The following NOL4 variants were observed in gnomAD, a reference collection of about 807,000 sequenced individuals.
The protein encoded by NOL4 is cancer/testis antigen 125.
NOL4 carries 17 observed loss-of-function variants against 75.9 expected under a neutral mutation model. The ratio of observed to expected loss-of-function variants is 0.22; its 90% CI spans 0.15 to 0.34. The LOEUF (loss-of-function observed/expected upper bound fraction) is 0.34, where lower values mean the gene tolerates loss of function less well. Ranked by LOEUF, NOL4 falls within the 10% of genes least tolerant of loss-of-function variation. The pLI is 1.00. For missense variants in NOL4, 614 were observed against 793.5 expected (o/e 0.77, Z 2.72); for synonymous variants, 292 against 289.9 (o/e 1.01, Z -0.07).
At chr18:34,092,851 C>G (rs1285122604) in intron 5 of NOL4, among the ~76,000 whole-genome samples, 2 of 152,168 alleles carry the variant, frequency 1.3e-5, no homozygotes, top group Non-Finnish European at 1.5e-5. Flanking sequence ...AGTATGACAT[C>G]TACTTTCTCT....
intron 5 of NOL4, among the ~76,000 whole-genome samples, chr18:34,030,119 A>G (rs892388341): frequency 6.6e-6 from 1 of 152,214 alleles, no homozygotes. Context: ...GTAATGATCT[A>G]AATAAAATTC....
At position 33,969,962 on chromosome 18, in the gene NOL4, A is replaced by G. The variant is rs117947775; in HGVS notation, c.1057-11544T>C. 1.5e-3 allele frequency among the ~76,000 whole-genome samples: 228 copies of G among 152,280 alleles called. 5 individuals carry two copies. In the East Asian group the frequency reaches 0.035, roughly 23 times the overall value. On this transcript the variant is annotated intron_variant, in intron 6 of 10. Transcript: ENST00000261592. The stretch of plus-strand genomic sequence containing the variant: ...TTGTTTTTCAAGATATTGTCTGGCT[A>G]GAGCAGTGTTATTTTCATTTTGTCA...
At chr18:33,902,332 C>T (rs182069936) in intron 9 of NOL4, among the ~76,000 whole-genome samples, 1 of 152,120 alleles carries the variant, frequency 6.6e-6, no homozygotes, top group Non-Finnish European at 1.5e-5. Flanking sequence ...AGAAGTTCAA[C>T]TTTTGTTGTA....
At chr18:34,146,569 T>C (rs946369790) in intron 1 of NOL4, among the ~76,000 whole-genome samples, 2 of 152,184 alleles carry the variant, frequency 1.3e-5, no homozygotes, top group African/African-American at 4.8e-5. Flanking sequence ...GCCTCTGTTC[T>C]GTTCCAGTGG....
At chr18:34,070,054 C>T (rs2077444195) in intron 5 of NOL4, among the ~76,000 whole-genome samples, 2 of 152,278 alleles carry the variant, frequency 1.3e-5, no homozygotes, top group Admixed American at 6.5e-5. Flanking sequence ...GTTTTTGAGA[C>T]GGAGTCTCGC....
At chr18:33,900,591 T>C (rs955673963) in intron 9 of NOL4, among the ~76,000 whole-genome samples, 2 of 152,238 alleles carry the variant, frequency 1.3e-5, no homozygotes, top group African/African-American at 2.4e-5. Flanking sequence ...AATGTAAACA[T>C]TGAAAATTCA....
chr18:33,923,434 ATAT>A (rs2067153452), intron 9 of NOL4, among the ~76,000 whole-genome samples: 2 of 152,078 alleles, frequency 1.3e-5, no homozygotes, highest in East Asian at 1.9e-4. Context: ...GAGTGTTTAG[ATAT>A]TATGTATTAT....
rs375618791 is a variant in NOL4 at position 33,977,443 on chromosome 18, A to G, written c.1057-19025T>C. 4.5e-4 allele frequency among the ~76,000 whole-genome samples: 69 copies of G among 152,254 alleles called. 1 individual carries two copies. The highest frequency in any genetic ancestry group is 1.6e-3 in the African/African-American group (66 of 41,560). On this transcript the variant is annotated intron_variant, in intron 6 of 10. Coordinates refer to ENST00000261592, the MANE Select transcript of NOL4 (RefSeq NM_003787.5). ...GTTTTATACAGGACAGTTCCCCTGC[A>G]TATGTTCTCTTGACTATGCCATGTA... is the stretch of plus-strand genomic sequence containing the variant.
intron 9 of NOL4, among the ~76,000 whole-genome samples, chr18:33,922,768 A>C (rs1197199934): frequency 6.6e-6 from 1 of 152,176 alleles, no homozygotes; most frequent in African/African-American, 2.4e-5. Flanking sequence ...TTAACAAGCT[A>C]ATTTTTTAAT....
At chr18:34,086,083 A>G (rs958438440) in intron 5 of NOL4, among the ~76,000 whole-genome samples, 38 of 152,278 alleles carry the variant, frequency 2.5e-4, no homozygotes, top group Non-Finnish European at 4.7e-4. Context: ...CGAATTAACT[A>G]ACTCAATTCA....
intron 1 of NOL4, among the ~76,000 whole-genome samples, chr18:34,180,064 G>T (rs934924219): frequency 2.0e-5 from 3 of 151,314 alleles, no homozygotes; most frequent in Admixed American, 1.3e-4. Context: ...ATTTTAAAAA[G>T]AATTAACATC....
At chr18:34,080,889 A>G (rs2077980112) in intron 5 of NOL4, among the ~76,000 whole-genome samples, 1 of 152,230 alleles carries the variant, frequency 6.6e-6, no homozygotes, top group South Asian at 2.1e-4. Context: ...AAACTACATG[A>G]TAGTCATTAT....
intron 5 of NOL4, among the ~76,000 whole-genome samples, chr18:34,059,983 G>A (rs1366052655): frequency 6.6e-6 from 1 of 152,064 alleles, no homozygotes; most frequent in African/African-American, 2.4e-5. Context: ...TGACAGTCCG[G>A]GCAAGTCAAG....
intron 9 of NOL4, among the ~76,000 whole-genome samples, chr18:33,901,155 G>T (rs891565905): frequency 6.6e-6 from 1 of 152,060 alleles, no homozygotes; most frequent in Non-Finnish European, 1.5e-5. Flanking sequence ...GCCTTTGATA[G>T]ATATTTTAAG....
chr18:34,162,026 T>A (rs1287920669), intron 1 of NOL4, among the ~76,000 whole-genome samples: 1 of 152,172 alleles, frequency 6.6e-6, no homozygotes, highest in Admixed American at 6.6e-5. Flanking sequence ...CCGGCAGAAA[T>A]CTACTATCTC....
intron 9 of NOL4, among the ~76,000 whole-genome samples, chr18:33,927,549 A>T (rs1008697751): frequency 5.3e-5 from 8 of 152,284 alleles, no homozygotes; most frequent in African/African-American, 1.7e-4. Context: ...TTAAAAATAC[A>T]TTATTGACAA....
intron 5 of NOL4, among the ~76,000 whole-genome samples, chr18:34,042,290 T>C (rs1443940849): frequency 6.6e-6 from 1 of 151,942 alleles, no homozygotes; most frequent in Admixed American, 6.6e-5. Context: ...TTTTCCCAGA[T>C]GAAAAACTCT....
chr18:34,097,951 T>C (rs964427039), intron 4 of NOL4, among the ~76,000 whole-genome samples: 1 of 152,228 alleles, frequency 6.6e-6, no homozygotes. Context: ...AATGATCTCA[T>C]ATTGGATACA....
intron 5 of NOL4, among the ~76,000 whole-genome samples, chr18:34,039,113 T>C (rs1297048013): frequency 6.6e-6 from 1 of 152,052 alleles, no homozygotes; most frequent in Non-Finnish European, 1.5e-5. Context: ...ATTATAGTTA[T>C]ATCATATCTT....
Sources: allele counts gnomAD v4.1 joint callset (sites outside exome capture counted in the v4.1 genomes callset), GRCh38; gene constraint gnomAD v4.1.1; transcripts MANE v1.5; gene names NCBI Gene and HGNC (gene_info 2026-07-23, HGNC 2026-07-21).